The following KLF12 variants were observed in gnomAD, a reference collection of about 807,000 sequenced individuals.
KLF12 encodes the protein KLF transcription factor 12, also known as Krueppel-like factor 12.
A neutral mutation model predicts 37.8 loss-of-function variants in KLF12; 9 were observed. That is an observed-to-expected ratio of 0.24 (90% confidence interval 0.14 to 0.42). The LOEUF (loss-of-function observed/expected upper bound fraction) is 0.42. KLF12 is among the 10% of genes least tolerant of loss of function. The pLI, the probability that KLF12 is intolerant of heterozygous loss-of-function variation, is 1.00. For missense variants in KLF12, 411 were observed against 516.0 expected, an observed-to-expected ratio of 0.80 and a Z score of 1.97; for synonymous variants, 208 against 202.1, an observed-to-expected ratio of 1.03 and a Z score of -0.25.
At chr13:74,245,640 G>T in the KLF12 span, among the ~76,000 whole-genome samples, 1 of 152,092 alleles carries the variant, frequency 6.6e-6, no homozygotes, top group African/African-American at 2.4e-5. Context: ...CTCATTTCTG[G>T]CTGAGAGTTC....
At chr13:74,256,688 TTGTGTGTGTGTGTGTG>T in the KLF12 span, among the ~76,000 whole-genome samples, 1 of 147,906 alleles carries the variant, frequency 6.8e-6, no homozygotes, top group African/African-American at 2.5e-5. Context: ...TGAGTAGAGC[TTGTGTGTGTGTGTGTG>T]TGTGTGTGTG....
At chr13:73,704,737 T>C (rs1323459135) in intron 7 of KLF12, among the ~76,000 whole-genome samples, 2 of 152,156 alleles carry the variant, frequency 1.3e-5, no homozygotes. Context: ...CACGCTGTGA[T>C]TGAAGGTTTT....
chr13:73,783,315 AG>A (rs1423569464), intron 5 of KLF12, among the ~76,000 whole-genome samples: 1 of 152,178 alleles, frequency 6.6e-6, no homozygotes, highest in Non-Finnish European at 1.5e-5. Flanking sequence ...TGGTTACCAG[AG>A]GCTGGGAAGG....
At chr13:74,051,858 T>A (rs1872946088) in intron 1 of KLF12, among the ~76,000 whole-genome samples, 1 of 152,300 alleles carries the variant, frequency 6.6e-6, no homozygotes, top group East Asian at 1.9e-4. Context: ...ATAGTGTGTA[T>A]TTCAAAACAG....
intron 1 of KLF12, among the ~76,000 whole-genome samples, chr13:74,051,250 A>G (rs895321002): frequency 1.3e-5 from 2 of 152,102 alleles, no homozygotes; most frequent in African/African-American, 4.8e-5. Flanking sequence ...TGTTTATTGC[A>G]GCAGTAATCA....
At chr13:74,012,304 A>C (rs747371136) in intron 1 of KLF12, among the ~76,000 whole-genome samples, 3 of 152,192 alleles carry the variant, frequency 2.0e-5, no homozygotes, top group Non-Finnish European at 4.4e-5. Context: ...GTGCACAGCC[A>C]TGTCTGAATG....
At chr13:73,776,588 T>C (rs550242357) in intron 5 of KLF12, among the ~76,000 whole-genome samples, 1 of 152,332 alleles carries the variant, frequency 6.6e-6, no homozygotes, top group South Asian at 2.1e-4. Flanking sequence ...ACCAACATCA[T>C]TTATAGTAGT....
At chr13:73,914,725 G>A (rs1359639364) in intron 3 of KLF12, among the ~76,000 whole-genome samples, 4 of 152,080 alleles carry the variant, frequency 2.6e-5, no homozygotes, top group African/African-American at 9.7e-5. Context: ...CATCTGTTAC[G>A]TTAGCAAAAA....
At chr13:73,796,236 T>C (rs969613668) in intron 5 of KLF12, among the ~76,000 whole-genome samples, 5 of 152,216 alleles carry the variant, frequency 3.3e-5, no homozygotes, top group African/African-American at 1.2e-4. Flanking sequence ...TACACATTTC[T>C]ACATTTGCCT....
chr13:74,040,832 CCAG>C (rs1893382334), intron 1 of KLF12, among the ~76,000 whole-genome samples: 1 of 152,182 alleles, frequency 6.6e-6, no homozygotes, highest in African/African-American at 2.4e-5. Context: ...AGAATGAAAA[CCAG>C]CTTTTCTGAT....
chr13:74,104,263 T>C (rs757086617), intron 1 of KLF12, among the ~76,000 whole-genome samples: 1 of 152,244 alleles, frequency 6.6e-6, no homozygotes, highest in South Asian at 2.1e-4. Flanking sequence ...GAAACAGAGA[T>C]ATTTAGTGAA....
chr13:73,758,733 A>G (rs1879351014), intron 6 of KLF12, among the ~76,000 whole-genome samples: 2 of 152,206 alleles, frequency 1.3e-5, no homozygotes, highest in Non-Finnish European at 2.9e-5. Flanking sequence ...GGAAATAATT[A>G]CAGAAAATTA....
the KLF12 span, among the ~76,000 whole-genome samples, chr13:74,182,423 T>C: frequency 6.6e-6 from 1 of 152,324 alleles, no homozygotes; most frequent in African/African-American, 2.4e-5. Context: ...AAGACTAGGT[T>C]TAAATCAGTT....
intron 3 of KLF12, among the ~76,000 whole-genome samples, chr13:73,892,390 A>G (rs1309052329): frequency 6.6e-6 from 1 of 152,184 alleles, no homozygotes; most frequent in Non-Finnish European, 1.5e-5. Flanking sequence ...AAGAACTTTT[A>G]GTAAAGATTC....
chr13:73,960,459 C>A, intron 2 of KLF12: 4 of 212,450 alleles, frequency 1.9e-5, no homozygotes, highest in East Asian at 1.3e-4. Context: ...AAATGTGAGG[C>A]AAAAAAAGAG....
At chr13:74,177,886 C>T in the KLF12 span, among the ~76,000 whole-genome samples, 1 of 152,166 alleles carries the variant, frequency 6.6e-6, no homozygotes, top group East Asian at 1.9e-4. Flanking sequence ...TTTTACATCA[C>T]CAAATGTTAA....
At chr13:73,982,232 G>A (rs539681299) in intron 2 of KLF12, among the ~76,000 whole-genome samples, 1 of 152,126 alleles carries the variant, frequency 6.6e-6, no homozygotes, top group Non-Finnish European at 1.5e-5. Context: ...TATTTTTAAG[G>A]CATGAATAGA....
At chr13:73,738,121 A>ATATATG (rs1877645824) in intron 6 of KLF12, among the ~76,000 whole-genome samples, 1 of 54,094 alleles carries the variant, frequency 1.8e-5, no homozygotes, top group South Asian at 5.6e-4. Context: ...ATATATATAT[A>ATATATG]TATACACACA....
At chr13:73,932,550 T>C (rs931449834) in intron 3 of KLF12, among the ~76,000 whole-genome samples, 2 of 152,188 alleles carry the variant, frequency 1.3e-5, no homozygotes, top group Non-Finnish European at 2.9e-5. Context: ...AGGGGAGTTT[T>C]CTAGAAGGTG....
Sources: allele counts gnomAD v4.1 joint callset (sites outside exome capture counted in the v4.1 genomes callset), GRCh38; gene constraint gnomAD v4.1.1; transcripts MANE v1.5; gene names NCBI Gene and HGNC (gene_info 2026-07-23, HGNC 2026-07-21).